Variants in AFG1L observed in about 807,000 individuals in gnomAD.
AFG1L encodes AFG1-like ATPase.
Under a neutral mutation model 62.2 loss-of-function variants are expected in AFG1L, and 53 were observed. That is an observed-to-expected ratio of 0.85 (90% confidence interval 0.68 to 1.07). The LOEUF is 1.07. AFG1L is among the 50% of genes least tolerant of loss of function. The probability of loss-of-function intolerance (pLI) is 0.00; values close to 1 mark genes in which losing one functional copy is unlikely to be tolerated. For missense variants in AFG1L, 555 were observed against 590.5 expected (o/e 0.94, Z 0.62); for synonymous variants, 228 against 210.3 (o/e 1.08, Z -0.73).
chr6:108,442,592 G>T (rs1386631759), intron 7 of AFG1L, among the ~76,000 whole-genome samples: 1 of 152,152 alleles, frequency 6.6e-6, no homozygotes, highest in Non-Finnish European at 1.5e-5. Flanking sequence ...TTTCAGGGCT[G>T]TTCTTCAAAT....
intron 6 of AFG1L, among the ~76,000 whole-genome samples, chr6:108,395,059 C>T (rs1781229757): frequency 6.6e-6 from 1 of 152,066 alleles, no homozygotes; most frequent in South Asian, 2.1e-4. Context: ...ATAGCCTGGC[C>T]AGCATTATTT....
At chr6:108,510,843 G>A (rs1392123231) in intron 11 of AFG1L, among the ~76,000 whole-genome samples, 1 of 152,134 alleles carries the variant, frequency 6.6e-6, no homozygotes, top group African/African-American at 2.4e-5. Flanking sequence ...ACTTTGGGAG[G>A]CCAAGGGAGG....
In AFG1L at chr6:108,485,657, T is replaced by TATATA. The variant is rs869070532; in HGVS notation, c.1062+8365_1062+8366insATATA. The stretch of plus-strand genomic sequence containing the variant: ...ATATATATATATATATATATATATA[T>TATATA]TTTTTTTTTTTTTTTTTTTTTTTTT... On this transcript the variant is annotated intron_variant, in intron 10 of 12. Transcript: ENST00000368977. Among the ~76,000 whole-genome samples, 53 of 12,518 alleles carry TATATA rather than the reference T, an allele frequency of 4.2e-3. 1 individual carries two copies. The highest frequency in any genetic ancestry group is 5.7e-3 in the African/African-American group (16 of 2,808). 8.2% of individuals were successfully genotyped at this position (12,518 alleles called of 152,430 possible). A position where few individuals can be genotyped will look rare whatever the true frequency, so the allele number is the denominator to read the frequency against.
At chr6:108,321,335 G>T (rs1282636649) in intron 1 of AFG1L, among the ~76,000 whole-genome samples, 1 of 152,176 alleles carries the variant, frequency 6.6e-6, no homozygotes, top group Non-Finnish European at 1.5e-5. Flanking sequence ...GGCCTAGGGG[G>T]ATACCTAGAG....
intron 8 of AFG1L, among the ~76,000 whole-genome samples, chr6:108,457,163 C>A (rs1772283897): frequency 6.6e-6 from 1 of 152,074 alleles, no homozygotes; most frequent in Non-Finnish European, 1.5e-5. Flanking sequence ...AAGATGTGGT[C>A]TTTGTTCCTG....
At chr6:108,340,447 T>A (rs1377195298) in intron 2 of AFG1L, among the ~76,000 whole-genome samples, 2 of 151,288 alleles carry the variant, frequency 1.3e-5, no homozygotes, top group Admixed American at 1.3e-4. Context: ...CACTGCAACC[T>A]CCATCTCCCA....
chr6:108,445,787 G>A (rs567021992), intron 7 of AFG1L, among the ~76,000 whole-genome samples: 3 of 152,024 alleles, frequency 2.0e-5, no homozygotes, highest in Admixed American at 6.6e-5. Flanking sequence ...TACAGTAATA[G>A]CATCAAAGAT....
chr6:108,355,653 G>A lies in AFG1L; in HGVS notation c.416-1G>A. 1 of 1,564,422 alleles carries A rather than the reference G, an allele frequency of 6.4e-7. No homozygotes were observed. The highest frequency in any genetic ancestry group is 1.4e-5 in the African/African-American group (1 of 72,500). On this transcript the variant is annotated splice_acceptor_variant, in intron 3 of 12. Transcript: ENST00000368977. LOFTEE classifies it high-confidence loss of function. ...TTCTTAAAATTTTTTTTATTTTTAA[G>A]GTACAGGAAAAACAATGGTGATGGA...
intron 8 of AFG1L, among the ~76,000 whole-genome samples, chr6:108,463,286 CAAAAAAAAAAAA>C (rs56937746): frequency 2.7e-4 from 11 of 40,528 alleles, no homozygotes; most frequent in Admixed American, 2.7e-4. Flanking sequence ...GAGACTCTGT[CAAAAAAAAAAAA>C]AAAAAAAAAA....
At chr6:108,318,271 A>G in intron 1 of AFG1L, 1 of 317,338 alleles carries the variant, frequency 3.2e-6, no homozygotes, top group Non-Finnish European at 5.8e-6. Context: ...GAAAAAGGCT[A>G]AAACACAAAG....
chr6:108,374,808 A>G (rs1780171023), intron 6 of AFG1L, among the ~76,000 whole-genome samples: 1 of 152,058 alleles, frequency 6.6e-6, no homozygotes, highest in Admixed American at 6.6e-5. Flanking sequence ...TGCTTTGGTT[A>G]TTTTGGCTCC....
chr6:108,373,264 C>G (rs575307717), intron 6 of AFG1L, among the ~76,000 whole-genome samples: 5 of 152,092 alleles, frequency 3.3e-5, no homozygotes, highest in Non-Finnish European at 7.3e-5. Context: ...TGTCTAGCTC[C>G]CACTCATAAG....
chr6:108,398,520 A>T (rs1267308531), intron 6 of AFG1L, among the ~76,000 whole-genome samples: 11 of 152,154 alleles, frequency 7.2e-5, no homozygotes, highest in Admixed American at 7.2e-4. Context: ...TGACTCAAGA[A>T]ATTTTTGCTC....
intron 10 of AFG1L, among the ~76,000 whole-genome samples, chr6:108,499,576 CAAAAAAA>C (rs1229508414): frequency 1.5e-4 from 9 of 59,290 alleles, no homozygotes; most frequent in Non-Finnish European, 2.4e-4. Flanking sequence ...TCATCTCTAC[CAAAAAAA>C]AAAAAAAAAA....
chr6:108,356,149 C>T (rs544650133), intron 4 of AFG1L, among the ~76,000 whole-genome samples: 6 of 152,134 alleles, frequency 3.9e-5, no homozygotes, highest in South Asian at 4.1e-4. Context: ...AGTGATCTTA[C>T]GTTATTTCAC....
At chr6:108,324,682 C>T (rs1777966512) in intron 2 of AFG1L, among the ~76,000 whole-genome samples, 1 of 151,636 alleles carries the variant, frequency 6.6e-6, no homozygotes, top group Admixed American at 6.6e-5. Flanking sequence ...TGGGTGGGGT[C>T]CTTTCAGGAC....
intron 10 of AFG1L, among the ~76,000 whole-genome samples, chr6:108,503,575 A>C (rs1774287481): frequency 1.3e-5 from 2 of 152,184 alleles, no homozygotes; most frequent in Admixed American, 6.5e-5. Flanking sequence ...TTGTTGTTCC[A>C]TTTTTAGGGC....
chr6:108,428,491 C>T lies in AFG1L; in HGVS notation c.808-18723C>T, dbSNP rs138684198. On this transcript the variant is annotated intron_variant, in intron 7 of 12. Transcript: ENST00000368977. ...CCAATAGTGGGATTGCTGGATAGAACGGTAGATCTACTTTTAGTTCTCTGA... is the reference window on the plus strand; with the variant it reads ...CCAATAGTGGGATTGCTGGATAGAATGGTAGATCTACTTTTAGTTCTCTGA... 2.2e-4 allele frequency among the ~76,000 whole-genome samples: 34 copies of T among 152,252 alleles called. No individual in the cohort carries two copies. The East Asian group carries it at 5.4e-3, about 24-fold the overall frequency.
In AFG1L at chr6:108,351,137, CAGTG is replaced by C. The variant is rs771257026; in HGVS notation, c.415+4107_415+4110del. Among the ~76,000 whole-genome samples, 10 of 152,278 alleles carry C rather than the reference CAGTG, an allele frequency of 6.6e-5. No homozygotes were observed. In the East Asian group the frequency reaches 1.9e-3, roughly 29 times the overall value. Reference sequence around the variant, plus strand: ...GGACTGGAAGTTGCTCTGAATGAATCAGTGAGTGAGTGGTGAGTGGATGTGAAGG... The same window carrying C: ...GGACTGGAAGTTGCTCTGAATGAATCAGTGAGTGGTGAGTGGATGTGAAGG... On this transcript the variant is annotated intron_variant, in intron 3 of 12. Transcript: ENST00000368977.
Sources: allele counts gnomAD v4.1 joint callset (sites outside exome capture counted in the v4.1 genomes callset), GRCh38; gene constraint gnomAD v4.1.1; transcripts MANE v1.5; gene names NCBI Gene and HGNC (gene_info 2026-07-23, HGNC 2026-07-21).